The following GPHN variants were observed in gnomAD, a reference collection of about 807,000 sequenced individuals.
The protein encoded by GPHN is gephyrin.
GPHN carries 17 observed loss-of-function variants against 95.5 expected under a neutral mutation model. That is an observed-to-expected ratio of 0.18 (90% CI 0.12 to 0.27). The LOEUF (loss-of-function observed/expected upper bound fraction) is 0.27, where lower values mean the gene tolerates loss of function less well. GPHN is among the 10% of genes least tolerant of loss of function. GPHN has a pLI of 1.00. For synonymous variants in GPHN, 320 were observed against 322.5 expected (o/e 0.99, Z 0.08); for missense variants, 660 against 978.1 (o/e 0.67, Z 4.34).
chr14:67,026,921 C>A (rs1365319554), intron 10 of GPHN, among the ~76,000 whole-genome samples: 1 of 152,308 alleles, frequency 6.6e-6, no homozygotes, highest in South Asian at 2.1e-4. Context: ...GGATTACAGG[C>A]GTGAGCCACC....
At chr14:67,674,547 A>C in the GPHN span, 2 of 1,461,490 alleles carry the variant, frequency 1.4e-6, no homozygotes, top group East Asian at 2.5e-5. Flanking sequence ...GCCCTTTCCT[A>C]GCCCGGCGGT....
chr14:66,700,343 G>A (rs893838758), intron 2 of GPHN, among the ~76,000 whole-genome samples: 4 of 152,144 alleles, frequency 2.6e-5, no homozygotes, highest in African/African-American at 9.7e-5. Flanking sequence ...TAAACTGTGT[G>A]AGAGAAGTAA....
At chr14:66,992,756 G>A (rs1488501011) in intron 9 of GPHN, among the ~76,000 whole-genome samples, 1 of 152,056 alleles carries the variant, frequency 6.6e-6, no homozygotes, top group African/African-American at 2.4e-5. Flanking sequence ...CTAAGAATGA[G>A]TTTTGCATTT....
intron 1 of GPHN, among the ~76,000 whole-genome samples, chr14:66,651,816 C>T (rs1032994090): frequency 8.6e-5 from 13 of 150,942 alleles, no homozygotes; most frequent in East Asian, 3.9e-4. Flanking sequence ...ACATTTTGGG[C>T]GTCACTATCT....
chr14:66,529,096 A>G lies in GPHN; in HGVS notation c.64+20505A>G, dbSNP rs1172133627. On this transcript the variant is annotated intron_variant, in intron 1 of 22. Transcript: ENST00000478722. Reference sequence around the variant, plus strand: ...TCCATTCTCCCCATCACTTTCATGTACACCAATCAAACGTAGGTTTGGTCT... The same window carrying G: ...TCCATTCTCCCCATCACTTTCATGTGCACCAATCAAACGTAGGTTTGGTCT... Among the ~76,000 whole-genome samples, 9 of 152,290 alleles carry G rather than the reference A, an allele frequency of 5.9e-5. No individual in the cohort carries two copies. In the East Asian group the frequency reaches 1.3e-3, roughly 23 times the overall value.
At chr14:66,704,663 T>C (rs1359026458) in intron 2 of GPHN, among the ~76,000 whole-genome samples, 1 of 151,846 alleles carries the variant, frequency 6.6e-6, no homozygotes, top group Non-Finnish European at 1.5e-5. Flanking sequence ...GCTAAAGAAG[T>C]GTGAGAGAGA....
chr14:67,531,836 AG>A, the GPHN span, among the ~76,000 whole-genome samples: 2 of 142,618 alleles, frequency 1.4e-5, no homozygotes, highest in African/African-American at 2.6e-5. Context: ...TGAGCCCAGG[AG>A]TTCAAGTTAC....
At chr14:66,669,137 G>A (rs1330247996) in intron 1 of GPHN, among the ~76,000 whole-genome samples, 2 of 152,130 alleles carry the variant, frequency 1.3e-5, no homozygotes, top group East Asian at 3.9e-4. Flanking sequence ...GCCAAGACGG[G>A]TGGATCAGCT....
chr14:67,591,171 A>G, the GPHN span, among the ~76,000 whole-genome samples: 17 of 152,298 alleles, frequency 1.1e-4, no homozygotes, highest in Admixed American at 7.2e-4. Flanking sequence ...AAGAGGAAAT[A>G]CTGATAGGTA....
chr14:67,723,386 A>G, the GPHN span, among the ~76,000 whole-genome samples: 6 of 152,218 alleles, frequency 3.9e-5, no homozygotes, highest in Admixed American at 3.9e-4. Flanking sequence ...GGCAGGTGCC[A>G]CTACACCCAG....
chr14:67,388,401 A>C, the GPHN span: 1 of 743,852 alleles, frequency 1.3e-6, no homozygotes, highest in East Asian at 2.5e-5. Context: ...AGTGAGTGCA[A>C]ATCATTTGTA....
the GPHN span, chr14:67,559,524 G>A: frequency 1.1e-6 from 1 of 871,120 alleles, no homozygotes; most frequent in East Asian, 2.6e-5. Flanking sequence ...ACGCACACTT[G>A]GCCTTTCTTG....
the GPHN span, chr14:67,590,208 G>A: frequency 6.6e-7 from 1 of 1,521,748 alleles, no homozygotes; most frequent in Non-Finnish European, 8.8e-7. Context: ...GAGTCAAGGT[G>A]AGAATATAAG....
the GPHN span, among the ~76,000 whole-genome samples, chr14:67,459,182 C>T: frequency 1.3e-5 from 2 of 152,204 alleles, no homozygotes; most frequent in African/African-American, 2.4e-5. Flanking sequence ...GCCACCACAG[C>T]CAGCCACTTG....
chr14:66,602,613 G>A (rs2062308394), intron 1 of GPHN, among the ~76,000 whole-genome samples: 1 of 151,888 alleles, frequency 6.6e-6, no homozygotes, highest in Non-Finnish European at 1.5e-5. Context: ...AAGTTAGGAA[G>A]GAACTTTACT....
chr14:66,851,414 T>C (rs2062578536), intron 4 of GPHN, among the ~76,000 whole-genome samples: 1 of 152,180 alleles, frequency 6.6e-6, no homozygotes, highest in Non-Finnish European at 1.5e-5. Flanking sequence ...TTTTGTGTTT[T>C]ACCGAACTTT....
the GPHN span, chr14:67,395,669 T>G: frequency 9.1e-7 from 1 of 1,097,544 alleles, no homozygotes; most frequent in East Asian, 2.4e-5. Context: ...CCCGGGAGAA[T>G]CTAGGTGACA....
intron 8 of GPHN, among the ~76,000 whole-genome samples, chr14:66,943,052 T>G (rs2067522284): frequency 6.6e-6 from 1 of 152,210 alleles, no homozygotes; most frequent in Non-Finnish European, 1.5e-5. Context: ...CAATGCTCAG[T>G]TCACTGAAAA....
intron 9 of GPHN, among the ~76,000 whole-genome samples, chr14:66,970,106 T>C (rs1415941233): frequency 4.0e-5 from 6 of 149,640 alleles, no homozygotes; most frequent in South Asian, 4.2e-4. Flanking sequence ...TTTTTTTTGC[T>C]CTTAGGAAGA....
Sources: allele counts gnomAD v4.1 joint callset (sites outside exome capture counted in the v4.1 genomes callset), GRCh38; gene constraint gnomAD v4.1.1; transcripts MANE v1.5; gene names NCBI Gene and HGNC (gene_info 2026-07-23, HGNC 2026-07-21).